The following WWC2 variants were observed in gnomAD, a reference collection of about 807,000 sequenced individuals.
WWC2 encodes the protein protein WWC2.
A neutral mutation model predicts 138.5 loss-of-function variants in WWC2; 101 were observed. The observed-to-expected ratio is 0.73, with a 90% CI of 0.62 to 0.86. WWC2 has a LOEUF of 0.86. WWC2 is among the 40% of genes least tolerant of loss of function. The probability of loss-of-function intolerance (pLI) is 0.00; values close to 1 mark genes in which losing one functional copy is unlikely to be tolerated. For missense variants in WWC2, 1,420 were observed against 1,419.4 expected, an observed-to-expected ratio of 1.00 and a Z score of -0.01; for synonymous variants, 558 against 538.4, an observed-to-expected ratio of 1.04 and a Z score of -0.50.
At chr4:183,229,801 T>C (rs1274748095) in intron 4 of WWC2, among the ~76,000 whole-genome samples, 3 of 152,108 alleles carry the variant, frequency 2.0e-5, no homozygotes, top group South Asian at 4.1e-4. Flanking sequence ...ACTTAACTGC[T>C]GAATAAAGTG....
At chr4:183,220,314 G>T (rs190359140) in intron 4 of WWC2, among the ~76,000 whole-genome samples, 1 of 152,262 alleles carries the variant, frequency 6.6e-6, no homozygotes, top group East Asian at 1.9e-4. Context: ...TTAATTTTAA[G>T]CTGCTAAGTC....
intron 4 of WWC2, 151 bp from the exon 5 acceptor site, chr4:183,240,032 T>C: frequency 1.8e-6 from 1 of 570,696 alleles, no homozygotes; most frequent in Admixed American, 3.6e-5. Flanking sequence ...TTCCACAGAA[T>C]TTATGTGAAG....
Position 183,195,719 on chromosome 4 carries a change from G to T in WWC2, c.241+2011G>T, listed in dbSNP as rs114117551. ...CCCTCTCAAAACCATCCTTCAACCA[G>T]AATCCCTTGCCAACTGTGGTTGCCT... On this transcript the variant is annotated intron_variant, in intron 2 of 22. Transcript: ENST00000403733. 6.7e-3 allele frequency among the ~76,000 whole-genome samples: 1,015 copies of T among 152,234 alleles called. 17 individuals carry two copies. The highest frequency in any genetic ancestry group is 0.023 in the African/African-American group (955 of 41,520).
At position 183,187,894 on chromosome 4, in the gene WWC2, T is replaced by TA. The variant is rs1266669955; in HGVS notation, c.132-5695dup. ...GTCTCAATAAATAAATACATAAAAA[T>TA]AAAAAAAAAAGAGACCAGAAATACC... On this transcript the variant is annotated intron_variant, in intron 1 of 22. Coordinates refer to ENST00000403733, the MANE Select transcript of WWC2 (RefSeq NM_024949.6). Among the ~76,000 whole-genome samples, 112 of 144,506 alleles carry TA rather than the reference T, an allele frequency of 7.8e-4. 1 individual carries two copies. The highest frequency in any genetic ancestry group is 4.8e-3 in the East Asian group (24 of 4,968). The allele number at this position is 144,506 out of a possible 152,430, so 94.8% of individuals were successfully genotyped here. A position where few individuals can be genotyped will look rare whatever the true frequency, so the allele number is the denominator to read the frequency against.
At chr4:183,194,651 GC>G (rs1316629356) in intron 2 of WWC2, among the ~76,000 whole-genome samples, 4 of 152,128 alleles carry the variant, frequency 2.6e-5, no homozygotes, top group African/African-American at 9.7e-5. Context: ...GCTTGCAGCT[GC>G]CCTTGTGTAG....
intron 1 of WWC2, among the ~76,000 whole-genome samples, chr4:183,125,232 G>A (rs1732725412): frequency 6.6e-6 from 1 of 152,158 alleles, no homozygotes; most frequent in African/African-American, 2.4e-5. Context: ...CAATTTGCAA[G>A]TGACTCAGTT....
At chr4:183,201,495 C>G (rs1203931607) in intron 2 of WWC2, among the ~76,000 whole-genome samples, 1 of 152,130 alleles carries the variant, frequency 6.6e-6, no homozygotes, top group Non-Finnish European at 1.5e-5. Context: ...CAAAAGGACC[C>G]AGCCTTCACA....
chr4:183,250,769 C>A (rs1231693976), intron 8 of WWC2, among the ~76,000 whole-genome samples: 1 of 152,136 alleles, frequency 6.6e-6, no homozygotes, highest in Non-Finnish European at 1.5e-5. Context: ...TTTAGGAGGA[C>A]ATTGGGAGAA....
At position 183,306,881 on chromosome 4, in the gene WWC2, CA is replaced by C. The variant is rs55750701; in HGVS notation, c.3385-5444del. ...CTAACAGCACCAACTATATATGAGG[CA>C]AAAAAAAAAAAAAAACTACAAGGAG... On this transcript the variant is annotated intron_variant, in intron 21 of 22. Transcript: ENST00000403733. Among the ~76,000 whole-genome samples, 602 of 85,106 alleles carry C rather than the reference CA, an allele frequency of 7.1e-3. 9 individuals are homozygous for C. The highest frequency in any genetic ancestry group is 0.016 in the Middle Eastern group (2 of 122). The allele number at this position is 85,106 out of a possible 152,430, so 55.8% of individuals were successfully genotyped here. A position where few individuals can be genotyped will look rare whatever the true frequency, so the allele number is the denominator to read the frequency against.
At chr4:183,307,061 T>G (rs2111112126) in intron 21 of WWC2, among the ~76,000 whole-genome samples, 1 of 152,246 alleles carries the variant, frequency 6.6e-6, no homozygotes, top group Non-Finnish European at 1.5e-5. Context: ...GATGGCACAC[T>G]CTGCTTAAGC....
intron 1 of WWC2, among the ~76,000 whole-genome samples, chr4:183,174,987 A>G (rs1204917540): frequency 1.3e-5 from 2 of 152,148 alleles, no homozygotes; most frequent in Non-Finnish European, 2.9e-5. Context: ...CCCAGTATAT[A>G]TGGTATATGT....
rs1016045358 is a variant in WWC2 at position 183,319,547 on chromosome 4, C to T, written c.*3818C>T. The T allele has an allele frequency of 1.9e-6, 3 of 1,601,738 alleles. No homozygotes were observed. Among genetic ancestry groups the T allele is most frequent in the Admixed American group, 3.4e-5 (2 of 58,630 alleles). ...GTCTCCTGAACAGCAGACGCTTGTCCTTTCTGGCTTAGTGTTTCAGGTTGG... is the reference window on the plus strand; with the variant it reads ...GTCTCCTGAACAGCAGACGCTTGTCTTTTCTGGCTTAGTGTTTCAGGTTGG... On this transcript the variant is annotated 3_prime_UTR_variant, in exon 23 of 23. Coordinates refer to ENST00000403733, the MANE Select transcript of WWC2 (RefSeq NM_024949.6).
rs1315702261 is a variant in WWC2, at chr4:183,253,942, G to A, written c.1139G>A (p.Arg380Gln). The change falls in exon 9 of 23, where the codon CGG becomes CAG. Residue 380 changes from arginine (R) to glutamine (Q), a missense_variant. Transcript: ENST00000403733. The part of the protein sequence containing the change: ...ELERLEAERQ[R>Q]LEEELLSVRG... ...GAACGCCTAGAAGCTGAAAGGCAGC[G>A]GCTGGAAGAAGAGTTGCTGTCTGTG... 13 of 1,613,736 alleles carry A rather than the reference G, an allele frequency of 8.1e-6. No individual in the cohort carries two copies. Among genetic ancestry groups the A allele is most frequent in the African/African-American group, 2.7e-5 (2 of 74,906 alleles).
rs1320993317 is a variant in WWC2 at position 183,275,046 on chromosome 4, T to C, written c.2562+3805T>C. Among the ~76,000 whole-genome samples the C allele has an allele frequency of 2.6e-5, 4 of 152,174 alleles. No homozygotes were observed. The East Asian group carries it at 7.7e-4, about 29-fold the overall frequency. ...CTGCTTCTCTAACTGTAACTTGATG[T>C]TCCTGTTGAATAACCTTTCCCTTTT... is the stretch of plus-strand genomic sequence containing the variant. On this transcript the variant is annotated intron_variant, in intron 16 of 22. Coordinates refer to ENST00000403733, the MANE Select transcript of WWC2 (RefSeq NM_024949.6).
intron 2 of WWC2, among the ~76,000 whole-genome samples, chr4:183,206,075 C>T (rs1032961856): frequency 1.3e-5 from 2 of 152,096 alleles, no homozygotes; most frequent in Admixed American, 6.6e-5. Context: ...CCTCCTTTCT[C>T]TGCTTGAGTT....
intron 22 of WWC2, 76 bp downstream of exon 22, chr4:183,312,544 G>A: frequency 6.3e-7 from 1 of 1,587,598 alleles, no homozygotes; most frequent in Non-Finnish European, 8.6e-7. Context: ...CCTCAGTGCA[G>A]TGAAAGTTAA....
At chr4:183,184,203 C>G (rs919275916) in intron 1 of WWC2, among the ~76,000 whole-genome samples, 1 of 152,184 alleles carries the variant, frequency 6.6e-6, no homozygotes, top group Non-Finnish European at 1.5e-5. Context: ...TGTGAACTAG[C>G]TATTTCATAT....
chr4:183,299,105 A>G (rs1738737298), intron 21 of WWC2, among the ~76,000 whole-genome samples: 1 of 152,190 alleles, frequency 6.6e-6, no homozygotes, highest in Non-Finnish European at 1.5e-5. Flanking sequence ...CAAGATCCAG[A>G]GGCTGCAGCT....
At chr4:183,246,623 T>C (rs558085182) in intron 6 of WWC2, among the ~76,000 whole-genome samples, 1 of 152,318 alleles carries the variant, frequency 6.6e-6, no homozygotes, top group Non-Finnish European at 1.5e-5. Context: ...CAACAGCCAC[T>C]AAAGGTAGGC....
Sources: allele counts gnomAD v4.1 joint callset (sites outside exome capture counted in the v4.1 genomes callset), GRCh38; gene constraint gnomAD v4.1.1; transcripts MANE v1.5; gene names NCBI Gene and HGNC (gene_info 2026-07-23, HGNC 2026-07-21).